The following COL20A1 variants were observed in gnomAD, a reference collection of about 807,000 sequenced individuals.
COL20A1 encodes the protein collagen alpha-1(XX) chain.
In COL20A1, 164 loss-of-function variants were observed where a neutral mutation model predicts 152.9. The ratio of observed to expected loss-of-function variants is 1.07; its 90% CI spans 0.94 to 1.22. COL20A1 has a LOEUF of 1.22. Ranked by LOEUF, COL20A1 falls within the 50% of genes most tolerant of loss-of-function variation. COL20A1 has a pLI of 0.00. For synonymous variants in COL20A1, 864 were observed against 756.0 expected (o/e 1.14, Z -2.34); for missense variants, 1,873 against 1,744.8 (o/e 1.07, Z -1.31).
chr20:63,299,190 G>A (rs372703402), intron 3 of COL20A1, among the ~76,000 whole-genome samples: 39 of 152,258 alleles, frequency 2.6e-4, no homozygotes, highest in Middle Eastern at 3.4e-3. Context: ...TTGTGTAGAC[G>A]CCGTGTGAGG....
chr20:63,325,490 T>G lies in COL20A1; in HGVS notation c.3344T>G (p.Leu1115Trp). 6.2e-7 allele frequency: 1 copy of G among 1,611,906 alleles called. No homozygotes were observed. The highest frequency in any genetic ancestry group is 8.5e-7 in the Non-Finnish European group (1 of 1,179,260). ...AAGGGAGACCATGGGCTTCCAGGCT[T>G]GCAGGTAGTGTGGCTGGGGCCAGGG... ...GEKGDHGLPG[L>W]QGHPGHQGIP... The change falls in exon 28 of 36, where the codon TTG (leucine) becomes TGG (tryptophan). Residue 1115 changes from leucine to tryptophan, a missense_variant. Coordinates refer to ENST00000358894, the MANE Select transcript of COL20A1 (RefSeq NM_020882.4).
Position 63,306,386 on chromosome 20 carries a change from G to A in COL20A1, c.496+347G>A, listed in dbSNP as rs935359724. Among the ~76,000 whole-genome samples, 3 of 152,180 alleles carry A rather than the reference G, an allele frequency of 2.0e-5. No individual in the cohort carries two copies. The highest frequency in any genetic ancestry group is 1.9e-4 in the East Asian group (1 of 5,196). Reference sequence around the variant, plus strand: ...AGTTCTTCCTCGTGTCTGACCACACGGTCTCTGGCTTTAACTTAAAGTTGC... The same window carrying A: ...AGTTCTTCCTCGTGTCTGACCACACAGTCTCTGGCTTTAACTTAAAGTTGC... On this transcript the variant is annotated intron_variant, in intron 5 of 35. Coordinates refer to ENST00000358894, the MANE Select transcript of COL20A1 (RefSeq NM_020882.4). This position sits in a 1 kb window ranked among gnomAD's most constrained non-coding sequence, Gnocchi z 6.9.
intron 26 of COL20A1, 57 bp from the exon 27 acceptor site, chr20:63,322,001 G>A: frequency 7.0e-7 from 1 of 1,437,478 alleles, no homozygotes; most frequent in Non-Finnish European, 9.4e-7. Flanking sequence ...GCTGGTCTTT[G>A]CTCCTCTACC....
chr20:63,312,863 G>T lies in COL20A1; in HGVS notation c.2005G>T (p.Ala669Ser). ...PGDAVQLAWVAAAPSGVLVYQ... is the reference protein window; with the variant it reads ...PGDAVQLAWVSAAPSGVLVYQ... ...GGATGCAGTCCAGCTGGCGTGGGTGGCCGCAGCCCCGTCTGGCGTGCTTGT... is the reference window on the plus strand; with the variant it reads ...GGATGCAGTCCAGCTGGCGTGGGTGTCCGCAGCCCCGTCTGGCGTGCTTGT... Residue 669 changes from alanine to serine, a missense_variant, in exon 16 of 36, where the codon GCC becomes TCC. Ala to Ser is a moderately conservative substitution (Grantham distance 99, BLOSUM62 1). Transcript: ENST00000358894. 1 of 1,557,132 alleles carries T rather than the reference G, an allele frequency of 6.4e-7. No individual in the cohort carries two copies. The highest frequency in any genetic ancestry group is 1.2e-5 in the South Asian group (1 of 84,424).
intron 21 of COL20A1, among the ~76,000 whole-genome samples, chr20:63,317,965 G>C (rs536466988): frequency 4.6e-5 from 7 of 152,204 alleles, no homozygotes; most frequent in East Asian, 1.9e-4. Context: ...CCTGCAGCCC[G>C]AGGCAGCTTC....
chr20:63,305,658 C>A lies in COL20A1; in HGVS notation c.337+98C>A. ...CACCCTCCTCCAGGCTGCGTTCCAG[C>A]CCCAGGGGTGGGTATGTGTGAAGCA... On this transcript the variant is annotated intron_variant, in intron 4 of 35. Coordinates refer to ENST00000358894, the MANE Select transcript of COL20A1 (RefSeq NM_020882.4). The surrounding 1 kb of genome is among the most constrained non-coding windows in gnomAD (Gnocchi z 4.9). The A allele has an allele frequency of 2.2e-6, 3 of 1,365,240 alleles. No individual in the cohort carries two copies. The highest frequency in any genetic ancestry group is 3.0e-6 in the Non-Finnish European group (3 of 1,012,668). The allele number at this position is 1,365,240 out of a possible 1,614,324, so 84.6% of individuals were successfully genotyped here.
At position 63,307,499 on chromosome 20, in the gene COL20A1, A is replaced by G. The variant is rs778276009; in HGVS notation, c.506A>G (p.Gln169Arg). ...SQDPRTPAGP[Q>R]FRCLPPVPAD... ...GCTCCCACCGCCCCAGCCGGCCCCCAGTTCCGCTGCCTGCCCCCCGTGCCT... is the reference window on the plus strand; with the variant it reads ...GCTCCCACCGCCCCAGCCGGCCCCCGGTTCCGCTGCCTGCCCCCCGTGCCT... Residue 169 changes from glutamine to arginine, a missense_variant, in exon 6 of 36, where the codon CAG becomes CGG. Transcript: ENST00000358894. 6.2e-7 allele frequency: 1 copy of G among 1,611,406 alleles called. No individual in the cohort carries two copies. The highest frequency in any genetic ancestry group is 8.5e-7 in the Non-Finnish European group (1 of 1,179,284).
chr20:63,322,554 G>A (rs994742719), intron 27 of COL20A1, among the ~76,000 whole-genome samples: 8 of 152,204 alleles, frequency 5.3e-5, no homozygotes, highest in African/African-American at 1.9e-4. Context: ...TCTAGGCTCA[G>A]CGCATGCGCG....
At chr20:63,301,683 T>G (rs1286180785) in intron 3 of COL20A1, among the ~76,000 whole-genome samples, 1 of 152,194 alleles carries the variant, frequency 6.6e-6, no homozygotes, top group Non-Finnish European at 1.5e-5. Flanking sequence ...TCTCTAGTGC[T>G]GTTTTTTTCC....
At chr20:63,326,452 C>G (rs1357001960) in intron 30 of COL20A1, among the ~76,000 whole-genome samples, 1 of 152,194 alleles carries the variant, frequency 6.6e-6, no homozygotes, top group Admixed American at 6.5e-5. Context: ...TGCCTCCCTG[C>G]AAGCGCCACT....
Position 63,309,828 on chromosome 20 carries a change from C to G in COL20A1, c.1176C>G (p.Ser392Arg). Reference protein sequence around the residue: ...SLVLSQVTSSSIRLSWTPAPR... With the variant: ...SLVLSQVTSSRIRLSWTPAPR... ...TCCTGAGCCAGGTGACCTCCTCCAG[C>G]ATCCGCCTGTCCTGGACTCCAGCCC... Residue 392 changes from serine to arginine, a missense_variant, in exon 10 of 36, where the codon AGC becomes AGG. Transcript: ENST00000358894. 1 of 1,610,480 alleles carries G rather than the reference C, an allele frequency of 6.2e-7. No individual in the cohort carries two copies. Among genetic ancestry groups the G allele is most frequent in the Non-Finnish European group, 8.5e-7 (1 of 1,178,752 alleles).
chr20:63,321,230 T>G, intron 26 of COL20A1, 131 bp downstream of exon 26: 1 of 621,568 alleles, frequency 1.6e-6, no homozygotes, highest in Non-Finnish European at 2.8e-6. Flanking sequence ...TTGGGATGTA[T>G]TTCATGAGCC....
rs758976717 is a variant in COL20A1, at chr20:63,295,155, G to A, written c.48G>A (p.Trp16Ter). Residue 16 changes from tryptophan (W) to a stop codon, truncating the protein, a stop_gained, in exon 2 of 36, where the codon TGG becomes TGA. Transcript: ENST00000358894. LOFTEE classifies it high-confidence loss of function. The part of the protein sequence containing the change: ...PAHLGLCLWL[W>*]LGATLGREQV... ...ACCTCGGCCTCTGCCTCTGGCTGTG[G>A]CTGGGCGCCACCCTGGGAAGAGAGC... 1.2e-5 allele frequency: 18 copies of A among 1,555,374 alleles called. No homozygotes were observed. The highest frequency in any genetic ancestry group is 1.6e-5 in the Non-Finnish European group (18 of 1,149,846).
intron 9 of COL20A1, 80 bp from the exon 10 acceptor site, chr20:63,309,678 T>C (rs1200331503): frequency 1.5e-6 from 2 of 1,364,802 alleles, no homozygotes; most frequent in South Asian, 1.4e-5. Context: ...CTGTCCCTCC[T>C]GTGAGTGGCC....
chr20:63,314,316 T>C, intron 19 of COL20A1, 115 bp downstream of exon 19: 1 of 898,640 alleles, frequency 1.1e-6, no homozygotes, highest in South Asian at 1.7e-5. Context: ...ACCCCAGACC[T>C]AGTTGACCCC....
intron 35 of COL20A1, 99 bp downstream of exon 35, chr20:63,329,760 G>A (rs1414038076): frequency 2.3e-6 from 2 of 853,962 alleles, no homozygotes; most frequent in African/African-American, 3.5e-5. Flanking sequence ...GCTGTCCAGG[G>A]TGGGGTGCTG....
intron 2 of COL20A1, among the ~76,000 whole-genome samples, chr20:63,296,200 G>T (rs1354365304): frequency 6.6e-6 from 1 of 152,290 alleles, no homozygotes; most frequent in African/African-American, 2.4e-5. Context: ...ATGAGCAGGT[G>T]CCTTGGTCCC....
rs534174343 is a variant in COL20A1, at chr20:63,311,145, C to T, written c.1394-249C>T. Among the ~76,000 whole-genome samples the T allele has an allele frequency of 6.6e-5, 10 of 152,316 alleles. No homozygotes were observed. The South Asian group carries it at 2.1e-3, about 32-fold the overall frequency. On this transcript the variant is annotated intron_variant, in intron 11 of 35. Coordinates refer to ENST00000358894, the MANE Select transcript of COL20A1 (RefSeq NM_020882.4). This position sits in a 1 kb window ranked among gnomAD's most constrained non-coding sequence, Gnocchi z 4.4. ...GGTGTTTCCCAAAGCCCTTTTCACCCCCCGGAGGCCACATTCCTCCCATGA... is the reference window on the plus strand; with the variant it reads ...GGTGTTTCCCAAAGCCCTTTTCACCTCCCGGAGGCCACATTCCTCCCATGA...
chr20:63,295,222 C>T (rs1462109981), intron 2 of COL20A1, 33 bp downstream of exon 2: 1 of 1,466,298 alleles, frequency 6.8e-7, no homozygotes, highest in South Asian at 1.2e-5. Flanking sequence ...CCTGCTTGCC[C>T]CGAGGCCACG....
Sources: allele counts gnomAD v4.1 joint callset (sites outside exome capture counted in the v4.1 genomes callset), GRCh38; gene constraint gnomAD v4.1.1; non-coding constraint Gnocchi (gnomAD v3.1); transcripts MANE v1.5; gene names NCBI Gene and HGNC (gene_info 2026-07-23, HGNC 2026-07-21).